DLGAP2: variants seen among roughly 807,000 people sequenced by gnomAD.
DLGAP2 encodes DLG associated protein 2, also known as disks large-associated protein 2.
In DLGAP2, 26 loss-of-function variants were observed where a neutral mutation model predicts 100.3. The ratio of observed to expected loss-of-function variants is 0.26; its 90% confidence interval spans 0.19 to 0.36. DLGAP2 has a LOEUF of 0.36. Among genes scored for constraint, DLGAP2 ranks in the 10% least tolerant of loss-of-function variants. The probability of loss-of-function intolerance (pLI) is 1.00; values close to 1 mark genes in which losing one functional copy is unlikely to be tolerated. For synonymous variants in DLGAP2, 886 were observed against 630.1 expected (o/e 1.41, Z -6.08); for missense variants, 1,858 against 1,453.2 (o/e 1.28, Z -4.53).
intron 1 of DLGAP2, among the ~76,000 whole-genome samples, chr8:904,423 G>A (rs1798331970): frequency 6.6e-6 from 1 of 152,186 alleles, no homozygotes; most frequent in Non-Finnish European, 1.5e-5. Flanking sequence ...GGGAGGCTGA[G>A]GCAGAAGAAT....
intron 12 of DLGAP2, chr8:1,688,279 A>C (rs1406568454): frequency 6.6e-6 from 1 of 152,284 alleles, no homozygotes; most frequent in Admixed American, 6.5e-5. Flanking sequence ...GATCCAAGGA[A>C]GAGCAGCCTG....
intron 2 of DLGAP2, among the ~76,000 whole-genome samples, chr8:1,177,903 G>T (rs916389766): frequency 6.6e-6 from 1 of 152,200 alleles, no homozygotes; most frequent in Non-Finnish European, 1.5e-5. Context: ...GAATTTCAGG[G>T]AGATGCATTC....
At chr8:1,560,615 C>G (rs529078540) in intron 5 of DLGAP2, among the ~76,000 whole-genome samples, 2 of 152,328 alleles carry the variant, frequency 1.3e-5, no homozygotes, top group South Asian at 4.1e-4. Context: ...CCAGTCATCT[C>G]CAGAAAGACC....
intron 8 of DLGAP2, among the ~76,000 whole-genome samples, chr8:1,658,982 C>T (rs1420358942): frequency 2.0e-5 from 3 of 152,158 alleles, no homozygotes; most frequent in Admixed American, 6.5e-5. Context: ...CTGTAAATTT[C>T]CCTCTAAACA....
chr8:1,091,960 G>C (rs1223537738), intron 2 of DLGAP2, among the ~76,000 whole-genome samples: 1 of 152,160 alleles, frequency 6.6e-6, no homozygotes, highest in Non-Finnish European at 1.5e-5. Context: ...CATGTCGTCT[G>C]CCACTTCTGC....
chr8:1,137,393 G>T (rs1183164558), intron 2 of DLGAP2: 1 of 152,608 alleles, frequency 6.6e-6, no homozygotes, highest in African/African-American at 2.4e-5. Flanking sequence ...AACCACAGAA[G>T]CTGCCCCGAG....
chr8:1,369,784 G>A (rs1264469510), intron 3 of DLGAP2: 1 of 152,288 alleles, frequency 6.6e-6, no homozygotes, highest in Admixed American at 6.5e-5. Flanking sequence ...AAAGCACACA[G>A]CAGTGATGTA....
chr8:1,683,912 GTA>G lies in DLGAP2; in HGVS notation c.2704+5293_2704+5294del, dbSNP rs1222044835. ...TGTGTGTGTGTATACACATATATGT[GTA>G]TATATATATGTGTGTATATATGTGT... On this transcript the variant is annotated intron_variant, in intron 12 of 14. Coordinates refer to ENST00000637795, the MANE Select transcript of DLGAP2 (RefSeq NM_001346810.2). Among the ~76,000 whole-genome samples, 123 of 106,986 alleles carry G rather than the reference GTA, an allele frequency of 1.1e-3. 1 individual carries two copies. Among genetic ancestry groups the G allele is most frequent in the Middle Eastern group, 5.1e-3 (1 of 196 alleles). 70.2% of individuals were successfully genotyped at this position (106,986 alleles called of 152,430 possible).
chr8:1,665,526 C>A (rs571803012), intron 8 of DLGAP2, among the ~76,000 whole-genome samples: 15 of 144,388 alleles, frequency 1.0e-4, no homozygotes, highest in Non-Finnish European at 1.5e-5. Context: ...CTCAAACTTG[C>A]CAAAGAAAAA....
At chr8:1,421,188 G>C (rs1376980561) in intron 3 of DLGAP2, among the ~76,000 whole-genome samples, 2 of 152,174 alleles carry the variant, frequency 1.3e-5, no homozygotes, top group Non-Finnish European at 2.9e-5. Flanking sequence ...CATTTTTCCT[G>C]GAACATAGCT....
chr8:1,488,583 A>C (rs1271684428), intron 3 of DLGAP2, among the ~76,000 whole-genome samples: 1 of 152,148 alleles, frequency 6.6e-6, no homozygotes, highest in Non-Finnish European at 1.5e-5. Flanking sequence ...CCAGGCCAAG[A>C]GGTGAGCAGT....
rs1554429896 is a variant in DLGAP2, at chr8:1,267,558, C to CAAAATAAAATAATAATAAAAT, written c.106+8687_106+8688insTAATAAAATAAAATAAAATAA. 1.9e-3 allele frequency among the ~76,000 whole-genome samples: 121 copies of CAAAATAAAATAATAATAAAAT among 63,122 alleles called. 23 individuals carry two copies. Among genetic ancestry groups the CAAAATAAAATAATAATAAAAT allele is most frequent in the Non-Finnish European group, 2.6e-3 (91 of 34,496 alleles). The allele number at this position is 63,122 out of a possible 152,430, so 41.4% of individuals were successfully genotyped here. On this transcript the variant is annotated intron_variant, in intron 3 of 14. Transcript: ENST00000637795. ...TGGGAGACAGAGCAAAATTCCCGCT[C>CAAAATAAAATAATAATAAAAT]AAAATAAAATAAAATAAAATAAAAT... is the stretch of plus-strand genomic sequence containing the variant.
At position 911,786 on chromosome 8, in the gene DLGAP2, T is replaced by C. The variant is rs536357407; in HGVS notation, c.73+3820T>C. On this transcript the variant is annotated intron_variant, in intron 2 of 14. Coordinates refer to ENST00000637795, the MANE Select transcript of DLGAP2 (RefSeq NM_001346810.2). ...GATGCTGGAGAATGTTGGAAGGATA[T>C]GTGTATAATGTATGTTGGAAGGATG... Among the ~76,000 whole-genome samples the C allele has an allele frequency of 4.0e-4, 61 of 151,952 alleles. 1 individual carries two copies. In the South Asian group the frequency reaches 0.012, roughly 31 times the overall value.
At chr8:1,245,202 C>G (rs567324799) in intron 2 of DLGAP2, among the ~76,000 whole-genome samples, 25 of 152,270 alleles carry the variant, frequency 1.6e-4, no homozygotes, top group African/African-American at 5.8e-4. Context: ...GAAGTTTAAA[C>G]ATAGAGTTAC....
At chr8:974,782 C>T (rs1800120986) in intron 2 of DLGAP2, among the ~76,000 whole-genome samples, 1 of 152,130 alleles carries the variant, frequency 6.6e-6, no homozygotes, top group Non-Finnish European at 1.5e-5. Context: ...CCATTGAATA[C>T]ATATTTAGAA....
chr8:771,072 A>C (rs928966458), intron 1 of DLGAP2, among the ~76,000 whole-genome samples: 2 of 152,052 alleles, frequency 1.3e-5, no homozygotes, highest in African/African-American at 4.8e-5. Context: ...CCATTTCGTG[A>C]AGTTGTGACA....
chr8:1,640,700 T>G (rs754770897), intron 8 of DLGAP2, among the ~76,000 whole-genome samples: 2 of 152,066 alleles, frequency 1.3e-5, no homozygotes, highest in Non-Finnish European at 2.9e-5. Context: ...GAGACCCCAT[T>G]ACGGGCCTGA....
Position 1,613,285 on chromosome 8 carries a change from T to G in DLGAP2, c.1443-13455T>G, listed in dbSNP as rs13263740. Among the ~76,000 whole-genome samples, 198 of 142,728 alleles carry G rather than the reference T, an allele frequency of 1.4e-3. 2 individuals carry two copies. Among genetic ancestry groups the G allele is most frequent in the African/African-American group, 4.8e-3 (182 of 37,778 alleles). 93.6% of individuals were successfully genotyped at this position (142,728 alleles called of 152,430 possible). A position where few individuals can be genotyped will look rare whatever the true frequency, so the allele number is the denominator to read the frequency against. ...GAAATCATCATTCTCAGTAAACTAT[T>G]GCAAGAACAAAAAACCAAACACCGC... is the stretch of plus-strand genomic sequence containing the variant. On this transcript the variant is annotated intron_variant, in intron 6 of 14. Coordinates refer to ENST00000637795, the MANE Select transcript of DLGAP2 (RefSeq NM_001346810.2).
intron 3 of DLGAP2, among the ~76,000 whole-genome samples, chr8:1,330,637 G>A (rs559014708): frequency 5.9e-5 from 8 of 135,646 alleles, no homozygotes; most frequent in African/African-American, 1.1e-4. Flanking sequence ...CACGGGGACC[G>A]AGTTCTGGGT....
Sources: allele counts gnomAD v4.1 joint callset (sites outside exome capture counted in the v4.1 genomes callset), GRCh38; gene constraint gnomAD v4.1.1; transcripts MANE v1.5; gene names NCBI Gene and HGNC (gene_info 2026-07-23, HGNC 2026-07-21).